GLB1: variants seen among roughly 807,000 people sequenced by gnomAD.
GLB1 encodes galactosidase beta 1, also known as beta-galactosidase.
In GLB1, 56 loss-of-function variants were observed where a neutral mutation model predicts 74.0. The observed-to-expected ratio is 0.76, with a 90% CI of 0.61 to 0.94. GLB1 has a LOEUF of 0.94. Ranked by LOEUF, GLB1 falls within the 40% of genes least tolerant of loss-of-function variation. GLB1 has a pLI of 0.00. For missense variants in GLB1, 787 were observed against 845.5 expected (o/e 0.93, Z 0.86); for synonymous variants, 323 against 323.6 (o/e 1.00, Z 0.02).
the GLB1 span, among the ~76,000 whole-genome samples, chr3:32,985,104 CAAAA>C: frequency 9.7e-5 from 6 of 61,966 alleles, no homozygotes; most frequent in Non-Finnish European, 1.8e-4. Context: ...AACTCTGTCT[CAAAA>C]AAAAAAAAAA....
chr3:33,008,607 C>T lies in GLB1; in HGVS notation c.1734+5449G>A, dbSNP rs73057070. On this transcript the variant is annotated intron_variant, in intron 15 of 15. Transcript: ENST00000307363. The stretch of plus-strand genomic sequence containing the variant: ...AGTGGGGGAAAGGAGCAGAGAGAGA[C>T]CAAGGACTGCTGGGCAAATCTGAGG... 8.6e-3 allele frequency among the ~76,000 whole-genome samples: 1,312 copies of T among 152,174 alleles called. 10 individuals carry two copies. The highest frequency in any genetic ancestry group is 0.02 in the Middle Eastern group (6 of 294).
chr3:33,051,984 A>G lies in GLB1; in HGVS notation c.813T>C (p.Thr271=), dbSNP rs2125523180. The G allele has an allele frequency of 1.9e-6, 3 of 1,614,210 alleles. No homozygotes were observed. The highest frequency in any genetic ancestry group is 2.5e-6 in the Non-Finnish European group (3 of 1,180,046). ...KGPLINSEFY[T]GWLDHWGQPH... ...GTTGGCCCCAGTGATCTAGCCAGCC[A>G]GTATAGAATTCAGAATTGATCTAAA... is the stretch of plus-strand genomic sequence containing the variant. Residue 271 remains threonine (T), a synonymous_variant, in exon 8 of 16, where the codon ACT becomes ACC. Coordinates refer to ENST00000307363, the MANE Select transcript of GLB1 (RefSeq NM_000404.4).
chr3:33,012,056 C>T (rs949512490), intron 15 of GLB1, among the ~76,000 whole-genome samples: 9 of 152,208 alleles, frequency 5.9e-5, no homozygotes, highest in African/African-American at 2.2e-4. Flanking sequence ...CCTCTTCAGT[C>T]TTCATCATGT....
At chr3:32,972,092 G>T in the GLB1 span, among the ~76,000 whole-genome samples, 1 of 152,144 alleles carries the variant, frequency 6.6e-6, no homozygotes. Flanking sequence ...CCTCCTGAAA[G>T]AATCATTAAA....
chr3:33,015,350 A>T (rs1697197988), intron 14 of GLB1, among the ~76,000 whole-genome samples: 1 of 152,130 alleles, frequency 6.6e-6, no homozygotes, highest in African/African-American at 2.4e-5. Context: ...CATACATGAG[A>T]ATACTGTGAT....
intron 10 of GLB1, among the ~76,000 whole-genome samples, chr3:33,033,612 G>A (rs188812216): frequency 1.9e-4 from 28 of 150,568 alleles, no homozygotes; most frequent in Non-Finnish European, 2.2e-4. Context: ...GTGAAACCCC[G>A]TCTCTACTAA....
At chr3:33,069,956 C>CCCACCCTCCTCCCT (rs1699832354) in intron 2 of GLB1, among the ~76,000 whole-genome samples, 1 of 148,940 alleles carries the variant, frequency 6.7e-6, no homozygotes, top group Non-Finnish European at 1.5e-5. Context: ...TCACCCTCCT[C>CCCACCCTCCTCCCT]CCACCCTCCA....
chr3:33,018,285 C>CAAAAAAAAAAAAAAAAAAAAAAAAAAAAA (rs57833238), intron 13 of GLB1, among the ~76,000 whole-genome samples, 163 bp downstream of exon 13: 1 of 41,970 alleles, frequency 2.4e-5, no homozygotes, highest in Non-Finnish European at 3.8e-5. Flanking sequence ...AACCCTGTCT[C>CAAAAAAAAAAAAAAAAAAAAAAAAAAAAA]AAAAAAAAAA....
rs539802520 is a variant in GLB1 at position 33,078,211 on chromosome 3, T to C, written c.76-5498A>G. 8.5e-5 allele frequency among the ~76,000 whole-genome samples: 13 copies of C among 152,276 alleles called. No homozygotes were observed. In the South Asian group the frequency reaches 1.9e-3, roughly 22 times the overall value. On this transcript the variant is annotated intron_variant, in intron 1 of 15. Transcript: ENST00000307363. ...GTGAGATGTGATAGGGCCACTGCAG[T>C]CCAGCCTGGGTGACAGAGAGGGACC...
At chr3:32,989,601 A>G in the GLB1 span, among the ~76,000 whole-genome samples, 4 of 152,330 alleles carry the variant, frequency 2.6e-5, no homozygotes, top group African/African-American at 9.6e-5. Context: ...CTCATGGGTC[A>G]ATCACCAAAA....
chr3:33,011,654 A>G (rs910603837), intron 15 of GLB1, among the ~76,000 whole-genome samples: 82 of 136,166 alleles, frequency 6.0e-4, no homozygotes, highest in African/African-American at 1.8e-3. Context: ...AAAAAAAAAA[A>G]AAGAAAATAT....
chr3:33,001,816 T>C (rs1433375030), intron 15 of GLB1, among the ~76,000 whole-genome samples: 2 of 152,220 alleles, frequency 1.3e-5, no homozygotes, highest in Non-Finnish European at 2.9e-5. Flanking sequence ...CACGTTCCTC[T>C]GCTCCCAGTT....
intron 9 of GLB1, among the ~76,000 whole-genome samples, chr3:33,050,611 TC>T (rs1698936481): frequency 6.6e-6 from 1 of 152,228 alleles, no homozygotes; most frequent in Admixed American, 6.5e-5. Context: ...GTATATTATT[TC>T]CAGGGGCTGA....
At chr3:32,988,224 T>A in the GLB1 span, among the ~76,000 whole-genome samples, 1 of 150,020 alleles carries the variant, frequency 6.7e-6, no homozygotes, top group Non-Finnish European at 1.5e-5. Context: ...TAGAGACTTT[T>A]AAGGTGCAAA....
chr3:32,978,955 G>C, the GLB1 span, among the ~76,000 whole-genome samples: 1 of 137,502 alleles, frequency 7.3e-6, no homozygotes, highest in East Asian at 2.0e-4. Flanking sequence ...ATTTTTAGTA[G>C]AGACAATATT....
At chr3:33,019,013 A>C (rs1697359295) in intron 12 of GLB1, among the ~76,000 whole-genome samples, 1 of 152,214 alleles carries the variant, frequency 6.6e-6, no homozygotes, top group Non-Finnish European at 1.5e-5. Context: ...AATCTGCTTT[A>C]ACATACAAAA....
rs371803301 is a variant in GLB1 at position 33,061,116 on chromosome 3, G to A, written c.553-2847C>T. Reference sequence around the variant, plus strand: ...TAGAGCAGGAGTCAACAAACTTTTTGAATAAAACACCAGGCTGGGCGTGGT... The same window carrying A: ...TAGAGCAGGAGTCAACAAACTTTTTAAATAAAACACCAGGCTGGGCGTGGT... On this transcript the variant is annotated intron_variant, in intron 5 of 15. Transcript: ENST00000307363. 2.1e-3 allele frequency among the ~76,000 whole-genome samples: 315 copies of A among 152,254 alleles called. 2 individuals are homozygous for A. Among genetic ancestry groups the A allele is most frequent in the Middle Eastern group, 6.8e-3 (2 of 294 alleles).
intron 10 of GLB1, among the ~76,000 whole-genome samples, chr3:33,027,625 A>C (rs1697828250): frequency 6.6e-6 from 1 of 152,146 alleles, no homozygotes; most frequent in Non-Finnish European, 1.5e-5. Context: ...TCTACTAAAA[A>C]TACAAAATTA....
chr3:32,978,765 CTT>C, the GLB1 span, among the ~76,000 whole-genome samples: 11 of 126,060 alleles, frequency 8.7e-5, no homozygotes, highest in African/African-American at 3.0e-5. Context: ...TTCTTTCTTT[CTT>C]TTTTTTTTTT....
Sources: gnomAD v4.1 joint callset for allele counts (sites outside exome capture counted in the v4.1 genomes callset) on GRCh38, gnomAD v4.1.1 for gene constraint, MANE v1.5 for transcripts, NCBI Gene and HGNC (gene_info 2026-07-23, HGNC 2026-07-21) for gene names.